Variants in HDGFL2 observed in about 807,000 individuals in gnomAD.
HDGFL2 encodes HDGF like 2, also known as hepatoma-derived growth factor-related protein 2.
In HDGFL2, 36 loss-of-function variants were observed where a neutral mutation model predicts 77.1. The observed-to-expected ratio is 0.47, with a 90% CI of 0.36 to 0.62. The LOEUF (loss-of-function observed/expected upper bound fraction) is 0.62, where lower values mean the gene tolerates loss of function less well. Ranked by LOEUF, HDGFL2 falls within the 20% of genes least tolerant of loss-of-function variation. The pLI is 0.00. For missense variants in HDGFL2, 976 were observed against 973.4 expected (o/e 1.00, Z -0.04); for synonymous variants, 463 against 413.1 (o/e 1.12, Z -1.46).
intron 15 of HDGFL2, 96 bp from the exon 16 acceptor site, chr19:4,501,814 CG>C (rs35486537): frequency 2.3e-6 from 2 of 870,622 alleles, no homozygotes; most frequent in African/African-American, 1.8e-5. Flanking sequence ...GGTGCCACAA[CG>C]GGGGTACACT....
chr19:4,491,702 G>C lies in HDGFL2; in HGVS notation c.606+20G>C. 1 of 1,613,596 alleles carries C rather than the reference G, an allele frequency of 6.2e-7. No homozygotes were observed. The highest frequency in any genetic ancestry group is 1.3e-5 in the African/African-American group (1 of 75,060). On this transcript the variant is annotated intron_variant, in intron 5 of 15. Coordinates refer to ENST00000616600, the MANE Select transcript of HDGFL2 (RefSeq NM_001001520.3). ...GACCAGGTGGGCCAGTGGCTCCTTG[G>C]GATGGCAGGGAAGCGTGGTGGCTGC...
chr19:4,495,072 C>T (rs1281953221), intron 9 of HDGFL2, among the ~76,000 whole-genome samples: 5 of 152,018 alleles, frequency 3.3e-5, no homozygotes, highest in African/African-American at 4.8e-5. Flanking sequence ...ACTCCAAAGG[C>T]TTGCGTTTGG....
chr19:4,501,077 C>T (rs1975861192), intron 14 of HDGFL2, 114 bp from the exon 15 acceptor site: 2 of 1,301,328 alleles, frequency 1.5e-6, no homozygotes, highest in East Asian at 2.6e-5. Context: ...GGTGGATGGG[C>T]ATGTGTCACC....
At chr19:4,495,212 C>T (rs1335816968) in intron 9 of HDGFL2, among the ~76,000 whole-genome samples, 1 of 151,854 alleles carries the variant, frequency 6.6e-6, no homozygotes, top group Non-Finnish European at 1.5e-5. Flanking sequence ...ACGGTGAAAC[C>T]CTGTCTCTAC....
chr19:4,495,888 G>T (rs1411114843), intron 9 of HDGFL2, among the ~76,000 whole-genome samples: 4 of 152,166 alleles, frequency 2.6e-5, no homozygotes, highest in African/African-American at 9.7e-5. Flanking sequence ...TGAATCCAGA[G>T]TCTCACCTAG....
chr19:4,494,460 C>T lies in HDGFL2; in HGVS notation c.1209C>T (p.Ala403=). 2 of 1,391,660 alleles carry T rather than the reference C, an allele frequency of 1.4e-6. No homozygotes were observed. Among genetic ancestry groups the T allele is most frequent in the Admixed American group, 3.5e-5 (1 of 28,250 alleles). The allele number at this position is 1,391,660 out of a possible 1,614,324, so 86.2% of individuals were successfully genotyped here. The change falls in exon 9 of 16, where the codon GCC becomes GCT. Residue 403 remains alanine, a synonymous_variant. Coordinates refer to ENST00000616600, the MANE Select transcript of HDGFL2 (RefSeq NM_001001520.3). ...PPSSSDSEPE[A]ELEREAKKSA... is the part of the protein sequence containing the mutation. ...CCTCCTCTGACTCCGAGCCCGAGGC[C>T]GAGCTGGAGAGAGAGGTGAGCCGGG...
chr19:4,501,993 C>T lies in HDGFL2; in HGVS notation c.1999C>T (p.Leu667=), dbSNP rs1975913151. The part of the protein sequence containing the change: ...RERARGDSEA[L]DEES ...GAGGGCACGGGGGGACTCGGAGGCC[C>T]TGGACGAGGAGAGCTGAGCCGCGGG... The change falls in exon 16 of 16, where the codon CTG becomes TTG. Residue 667 remains leucine, a synonymous_variant. Coordinates refer to ENST00000616600, the MANE Select transcript of HDGFL2 (RefSeq NM_001001520.3). The T allele has an allele frequency of 2.0e-6, 3 of 1,516,386 alleles. No homozygotes were observed. Among genetic ancestry groups the T allele is most frequent in the Non-Finnish European group, 2.6e-6 (3 of 1,139,248 alleles). The allele number at this position is 1,516,386 out of a possible 1,614,324, so 93.9% of individuals were successfully genotyped here.
At chr19:4,500,946 C>T (rs1358405098) in intron 14 of HDGFL2, among the ~76,000 whole-genome samples, 1 of 152,174 alleles carries the variant, frequency 6.6e-6, no homozygotes, top group Non-Finnish European at 1.5e-5. Flanking sequence ...TTTCTCAGGG[C>T]TGCCCACGTT....
chr19:4,495,070 G>C (rs1975664995), intron 9 of HDGFL2, among the ~76,000 whole-genome samples: 1 of 152,088 alleles, frequency 6.6e-6, no homozygotes, highest in African/African-American at 2.4e-5. Context: ...AGACTCCAAA[G>C]GCTTGCGTTT....
chr19:4,479,445 G>A (rs1388843889), intron 3 of HDGFL2, among the ~76,000 whole-genome samples: 6 of 151,828 alleles, frequency 4.0e-5, no homozygotes, highest in Admixed American at 1.3e-4. Flanking sequence ...AAAGTTAGCC[G>A]GGCGTGGCAC....
intron 3 of HDGFL2, among the ~76,000 whole-genome samples, chr19:4,478,648 G>A (rs192741848): frequency 6.6e-6 from 1 of 151,548 alleles, no homozygotes; most frequent in Non-Finnish European, 1.5e-5. Context: ...GGTCCTCACA[G>A]TAATCCTCAG....
At chr19:4,490,977 A>G (rs967399187) in intron 4 of HDGFL2, among the ~76,000 whole-genome samples, 4 of 151,906 alleles carry the variant, frequency 2.6e-5, no homozygotes, top group African/African-American at 9.7e-5. Context: ...ACACCCAGCT[A>G]ATTTTGTTTT....
At chr19:4,473,860 C>T (rs914544581) in intron 1 of HDGFL2, among the ~76,000 whole-genome samples, 10 of 151,544 alleles carry the variant, frequency 6.6e-5, no homozygotes, top group African/African-American at 2.4e-4. Flanking sequence ...GTGGGGTGGT[C>T]CAACCCCAAT....
At chr19:4,484,432 T>C (rs184589208) in intron 3 of HDGFL2, among the ~76,000 whole-genome samples, 207 of 152,226 alleles carry the variant, frequency 1.4e-3, no homozygotes, top group Non-Finnish European at 2.7e-3. Context: ...ACCATTTTAA[T>C]CATTTAAGAG....
chr19:4,477,045 A>C (rs1276677777), intron 3 of HDGFL2, among the ~76,000 whole-genome samples: 1 of 152,158 alleles, frequency 6.6e-6, no homozygotes, highest in Admixed American at 6.5e-5. Context: ...GGAGGGGCCC[A>C]GCCTTTGGCT....
chr19:4,494,784 G>A (rs1183669696), intron 9 of HDGFL2, among the ~76,000 whole-genome samples: 4 of 152,178 alleles, frequency 2.6e-5, no homozygotes, highest in Non-Finnish European at 5.9e-5. Context: ...TGGGCGTGGT[G>A]GTGTGCGCCT....
In HDGFL2 at chr19:4,472,427, G is replaced by C; in HGVS notation, c.72+5G>C. 1 of 1,365,750 alleles carries C rather than the reference G, an allele frequency of 7.3e-7. No individual in the cohort carries two copies. The highest frequency in any genetic ancestry group is 2.9e-5 in the East Asian group (1 of 34,726). 84.6% of individuals were successfully genotyped at this position (1,365,750 alleles called of 1,614,324 possible). Reference sequence around the variant, plus strand: ...TACCCTCACTGGCCTGCCAGGGTGAGGCCGCGCGGGAGATGGGGCCGGTGG... The same window carrying C: ...TACCCTCACTGGCCTGCCAGGGTGACGCCGCGCGGGAGATGGGGCCGGTGG... On this transcript the variant is annotated splice_donor_5th_base_variant and intron_variant, in intron 1 of 15. Transcript: ENST00000616600.
Position 4,491,805 on chromosome 19 carries a change from G to A in HDGFL2, c.648G>A (p.Arg216=), listed in dbSNP as rs755947756. The change falls in exon 6 of 16, where the codon CGG becomes CGA. Residue 216 remains arginine, a synonymous_variant. Transcript: ENST00000616600. ...AGAAAGCAGCGGTCCGGGCGCCACGGAGGGGCCCTCTGGGGGGACGGAAAA... is the reference window on the plus strand; with the variant it reads ...AGAAAGCAGCGGTCCGGGCGCCACGAAGGGGCCCTCTGGGGGGACGGAAAA... ...PEKKAAVRAP[R]RGPLGGRKKK... is the part of the protein sequence containing the mutation. 7 of 1,613,948 alleles carry A rather than the reference G, an allele frequency of 4.3e-6. No individual in the cohort carries two copies. The East Asian group carries it at 1.1e-4, about 26-fold the overall frequency.
chr19:4,479,041 G>A (rs1355794076), intron 3 of HDGFL2, among the ~76,000 whole-genome samples: 1 of 151,878 alleles, frequency 6.6e-6, no homozygotes, highest in Non-Finnish European at 1.5e-5. Flanking sequence ...GGGTTGCTCA[G>A]ATGGGCCAGG....
Sources: allele counts gnomAD v4.1 joint callset (sites outside exome capture counted in the v4.1 genomes callset), GRCh38; gene constraint gnomAD v4.1.1; transcripts MANE v1.5; gene names NCBI Gene and HGNC (gene_info 2026-07-23, HGNC 2026-07-21).